The following RNF144B variants were observed in gnomAD, a reference collection of about 807,000 sequenced individuals.
RNF144B encodes the protein E3 ubiquitin-protein ligase RNF144B.
Under a neutral mutation model 40.2 loss-of-function variants are expected in RNF144B, and 25 were observed. The ratio of observed to expected loss-of-function variants is 0.62; its 90% CI spans 0.45 to 0.87. The LOEUF is 0.87. Ranked by LOEUF, RNF144B falls within the 40% of genes least tolerant of loss-of-function variation. RNF144B has a pLI of 0.00. For synonymous variants in RNF144B, 145 were observed against 136.3 expected, an observed-to-expected ratio of 1.06 and a Z score of -0.44; for missense variants, 365 against 373.7, an observed-to-expected ratio of 0.98 and a Z score of 0.19.
At position 18,464,132 on chromosome 6, in the gene RNF144B, C is replaced by G. The variant is rs1230240097; in HGVS notation, c.771+752C>G. Among the ~76,000 whole-genome samples, 1 of 152,038 alleles carries G rather than the reference C, an allele frequency of 6.6e-6. No individual in the cohort carries two copies. Among genetic ancestry groups the G allele is most frequent in the Non-Finnish European group, 1.5e-5 (1 of 68,004 alleles). The stretch of plus-strand genomic sequence containing the variant: ...TAGGGCTTAGATCCCTGTGTACATG[C>G]CATTGTGTGTTTATGTGGCAGGTTC... On this transcript the variant is annotated intron_variant, in intron 7 of 7. Transcript: ENST00000259939. This position sits in a 1 kb window ranked among gnomAD's most constrained non-coding sequence, Gnocchi z 6.1.
chr6:18,388,840 TAGAA>T (rs1392233042), intron 1 of RNF144B, among the ~76,000 whole-genome samples: 2 of 151,818 alleles, frequency 1.3e-5, no homozygotes, highest in Admixed American at 6.6e-5. Flanking sequence ...GGCATAAACT[TAGAA>T]AAGTGGGAAA....
chr6:18,460,639 CTT>C lies in RNF144B; in HGVS notation c.681+889_681+890del, dbSNP rs891497078. On this transcript the variant is annotated intron_variant, in intron 6 of 7. Coordinates refer to ENST00000259939, the MANE Select transcript of RNF144B (RefSeq NM_182757.4). This position sits in a 1 kb window ranked among gnomAD's most constrained non-coding sequence, Gnocchi z 4.4. The stretch of plus-strand genomic sequence containing the variant: ...ATGCTCTCACTCGCTCTCTCTCTCT[CTT>C]GTTCATGAGCATGCAGCAGTATCGC... Among the ~76,000 whole-genome samples the C allele has an allele frequency of 2.6e-4, 40 of 152,288 alleles. No individual in the cohort carries two copies. The highest frequency in any genetic ancestry group is 8.4e-4 in the African/African-American group (35 of 41,552).
rs1759350602 is a variant in RNF144B, at chr6:18,457,216, T to G, written c.393T>G (p.Pro131=). The change falls in exon 5 of 8, where the codon CCT becomes CCG. Residue 131 remains proline (P), a synonymous_variant. Transcript: ENST00000259939. The surrounding 1 kb of genome is among the most constrained non-coding windows in gnomAD (Gnocchi z 5.1). ...TTGCAGACTGTCAGACAGTGTGCCC[T>G]GTTGCCTCGAGTGACCCAGGACAGC... is the stretch of plus-strand genomic sequence containing the variant. ...CPVADCQTVC[P]VASSDPGQPV... 2 of 1,614,134 alleles carry G rather than the reference T, an allele frequency of 1.2e-6. No homozygotes were observed. The highest frequency in any genetic ancestry group is 1.7e-6 in the Non-Finnish European group (2 of 1,180,002).
Position 18,410,956 on chromosome 6 carries a change from T to C in RNF144B, c.165+11257T>C, listed in dbSNP as rs1171654249. 1.3e-5 allele frequency among the ~76,000 whole-genome samples: 2 copies of C among 151,920 alleles called. No individual in the cohort carries two copies. Among genetic ancestry groups the C allele is most frequent in the Non-Finnish European group, 2.9e-5 (2 of 68,016 alleles). On this transcript the variant is annotated intron_variant, in intron 2 of 7. Coordinates refer to ENST00000259939, the MANE Select transcript of RNF144B (RefSeq NM_182757.4). The surrounding 1 kb of genome is among the most constrained non-coding windows in gnomAD (Gnocchi z 4.6). ...CTTTTTTCCTATCCATTTGGGATAC[T>C]GTCAGCTTTCTTTTCTTTTTTTTTC...
chr6:18,445,848 A>C (rs1759069399), intron 4 of RNF144B, among the ~76,000 whole-genome samples: 1 of 152,228 alleles, frequency 6.6e-6, no homozygotes, highest in Admixed American at 6.5e-5. Context: ...CCGGACCTTA[A>C]ACTTCTGGAT....
At chr6:18,401,200 A>G (rs1268447023) in intron 2 of RNF144B, among the ~76,000 whole-genome samples, 2 of 152,200 alleles carry the variant, frequency 1.3e-5, no homozygotes, top group African/African-American at 2.4e-5. Context: ...GTGCGTCAAC[A>G]TTGGGGAAAT....
intron 2 of RNF144B, among the ~76,000 whole-genome samples, chr6:18,411,187 G>T (rs1179132176): frequency 6.6e-6 from 1 of 151,640 alleles, no homozygotes; most frequent in Non-Finnish European, 1.5e-5. Flanking sequence ...ATTTCACCAT[G>T]TTAGCCAGGA....
intron 3 of RNF144B, among the ~76,000 whole-genome samples, chr6:18,439,443 T>C (rs3822913): frequency 0.33 from 50,838 of 152,094 alleles, 9,198 homozygotes; most frequent in East Asian, 0.51. Flanking sequence ...AGGTAGAAGG[T>C]GATCAATGAG....
intron 3 of RNF144B, among the ~76,000 whole-genome samples, chr6:18,429,316 G>A (rs1162163186): frequency 6.6e-6 from 1 of 151,410 alleles, no homozygotes; most frequent in African/African-American, 2.4e-5. Context: ...AGATGTGTGT[G>A]TGTGTATAGA....
In RNF144B at chr6:18,450,521, A is replaced by G. The variant is rs1759188972; in HGVS notation, c.332-6634A>G. ...ACTATGTTGGCCAGGCTGGTCTCGA[A>G]CTCCTGACCTCAGGTGATCCACCCA... On this transcript the variant is annotated intron_variant, in intron 4 of 7. Transcript: ENST00000259939. The surrounding 1 kb of genome is among the most constrained non-coding windows in gnomAD (Gnocchi z 4.7). Among the ~76,000 whole-genome samples, 1 of 151,932 alleles carries G rather than the reference A, an allele frequency of 6.6e-6. No homozygotes were observed. The highest frequency in any genetic ancestry group is 1.5e-5 in the Non-Finnish European group (1 of 67,980).
intron 1 of RNF144B, among the ~76,000 whole-genome samples, chr6:18,392,875 C>G (rs1794613351): frequency 6.6e-6 from 1 of 152,002 alleles, no homozygotes. Flanking sequence ...TGAGTTTGAG[C>G]ATTATTCTTT....
At chr6:18,391,619 G>A (rs962936978) in intron 1 of RNF144B, among the ~76,000 whole-genome samples, 21 of 152,164 alleles carry the variant, frequency 1.4e-4, no homozygotes, top group African/African-American at 4.8e-4. Context: ...TGTAATCCCA[G>A]CACTTTGGGA....
Position 18,446,740 on chromosome 6 carries a change from G to A in RNF144B, c.331+6996G>A, listed in dbSNP as rs1198726025. Among the ~76,000 whole-genome samples the A allele has an allele frequency of 6.6e-6, 1 of 152,088 alleles. No homozygotes were observed. The highest frequency in any genetic ancestry group is 1.9e-4 in the East Asian group (1 of 5,194). On this transcript the variant is annotated intron_variant, in intron 4 of 7. Coordinates refer to ENST00000259939, the MANE Select transcript of RNF144B (RefSeq NM_182757.4). This position sits in a 1 kb window ranked among gnomAD's most constrained non-coding sequence, Gnocchi z 4.7. ...GTCCAAAGACATTTTTGATCGTCAC[G>A]ACTTGGGTAGGAAGCTACTGGCAGC...
chr6:18,415,385 T>C (rs535407874), intron 2 of RNF144B, among the ~76,000 whole-genome samples: 69 of 152,300 alleles, frequency 4.5e-4, no homozygotes, highest in Admixed American at 3.7e-3. Context: ...GGCGGCTCTC[T>C]GCTTCCAAGA....
rs1339613004 is a variant in RNF144B at position 18,405,808 on chromosome 6, C to G, written c.165+6109C>G. On this transcript the variant is annotated intron_variant, in intron 2 of 7. Coordinates refer to ENST00000259939, the MANE Select transcript of RNF144B (RefSeq NM_182757.4). The surrounding 1 kb of genome is among the most constrained non-coding windows in gnomAD (Gnocchi z 4.5). ...TCCTGGACCTATGATCTCATCCATGCCTAATGCTTACCACTTACTTATTCA... is the reference window on the plus strand; with the variant it reads ...TCCTGGACCTATGATCTCATCCATGGCTAATGCTTACCACTTACTTATTCA... 6.6e-6 allele frequency among the ~76,000 whole-genome samples: 1 copy of G among 152,148 alleles called. No individual in the cohort carries two copies. The highest frequency in any genetic ancestry group is 2.4e-5 in the African/African-American group (1 of 41,422).
rs57418335 is a variant in RNF144B at position 18,446,020 on chromosome 6, T to C, written c.331+6276T>C. Among the ~76,000 whole-genome samples, 37,948 of 152,116 alleles carry C rather than the reference T, an allele frequency of 0.25. 4,953 individuals are homozygous for C. Among genetic ancestry groups the C allele is most frequent in the African/African-American group, 0.33 (13,763 of 41,486 alleles). Reference sequence around the variant, plus strand: ...TCTCAAATTCCTTATAGGTCATTAGTGTGAGAAGAGAATGAGAAGAACAGC... The same window carrying C: ...TCTCAAATTCCTTATAGGTCATTAGCGTGAGAAGAGAATGAGAAGAACAGC... On this transcript the variant is annotated intron_variant, in intron 4 of 7. Coordinates refer to ENST00000259939, the MANE Select transcript of RNF144B (RefSeq NM_182757.4). The surrounding 1 kb of genome is among the most constrained non-coding windows in gnomAD (Gnocchi z 4.7).
chr6:18,411,048 G>A (rs1357088903), intron 2 of RNF144B, among the ~76,000 whole-genome samples: 1 of 149,258 alleles, frequency 6.7e-6, no homozygotes, highest in Non-Finnish European at 1.5e-5. Flanking sequence ...GCAGTGGCGT[G>A]ATCTCTGCTC....
At chr6:18,449,457 T>C (rs1414937054) in intron 4 of RNF144B, among the ~76,000 whole-genome samples, 1 of 152,104 alleles carries the variant, frequency 6.6e-6, no homozygotes, top group Non-Finnish European at 1.5e-5. Flanking sequence ...TTCACAAAAA[T>C]CAATAATACA....
chr6:18,387,895 T>C (rs1345629452), intron 1 of RNF144B, among the ~76,000 whole-genome samples: 1 of 152,186 alleles, frequency 6.6e-6, no homozygotes, highest in Non-Finnish European at 1.5e-5. Context: ...AATCCGAGAT[T>C]AGACCAGACC....
Sources: gnomAD v4.1 joint callset for allele counts (sites outside exome capture counted in the v4.1 genomes callset) on GRCh38, gnomAD v4.1.1 for gene constraint, Gnocchi (gnomAD v3.1) non-coding constraint, MANE v1.5 for transcripts, NCBI Gene and HGNC (gene_info 2026-07-23, HGNC 2026-07-21) for gene names.